The following NMBR variants were observed in gnomAD, a reference collection of about 807,000 sequenced individuals.
The protein encoded by NMBR is neuromedin-B receptor.
In NMBR, 16 loss-of-function variants were observed where a neutral mutation model predicts 20.5. That is an observed-to-expected ratio of 0.78 (90% CI 0.53 to 1.19). The LOEUF (loss-of-function observed/expected upper bound fraction) is 1.19. Among genes scored for constraint, NMBR ranks in the 50% most tolerant of loss-of-function variants. The probability of loss-of-function intolerance (pLI) is 0.00; values close to 1 mark genes in which losing one functional copy is unlikely to be tolerated. For synonymous variants in NMBR, 212 were observed against 196.6 expected, an observed-to-expected ratio of 1.08 and a Z score of -0.65; for missense variants, 582 against 499.1, an observed-to-expected ratio of 1.17 and a Z score of -1.58.
At chr6:142,090,629 CAAGAGA>C (rs1294341942) in intron 1 of NMBR, among the ~76,000 whole-genome samples, 1 of 149,988 alleles carries the variant, frequency 6.7e-6, no homozygotes, top group Non-Finnish European at 1.5e-5. Flanking sequence ...GGAGAGGGAG[CAAGAGA>C]AAGAGGAAAA....
At chr6:142,137,085 G>C (rs1778273371) in intron 1 of NMBR, among the ~76,000 whole-genome samples, 1 of 152,106 alleles carries the variant, frequency 6.6e-6, no homozygotes, top group Non-Finnish European at 1.5e-5. Flanking sequence ...ATTACCTTGG[G>C]CAGTATGGCC....
At chr6:142,084,467 A>G (rs1370162204) in intron 2 of NMBR, among the ~76,000 whole-genome samples, 2 of 152,250 alleles carry the variant, frequency 1.3e-5, no homozygotes, top group Non-Finnish European at 2.9e-5. Flanking sequence ...CACCCAATAC[A>G]TTAAACTAAT....
intron 2 of NMBR, among the ~76,000 whole-genome samples, 159 bp from the exon 3 acceptor site, chr6:142,079,062 GAGAGAGAA>G (rs1478900450): frequency 2.2e-5 from 3 of 133,390 alleles, no homozygotes; most frequent in Non-Finnish European, 4.8e-5. Context: ...GAGAGAAAGA[GAGAGAGAA>G]AGAGAGAAAG....
At chr6:142,086,021 CTTT>C (rs201667912) in intron 2 of NMBR, among the ~76,000 whole-genome samples, 6 of 114,956 alleles carry the variant, frequency 5.2e-5, no homozygotes, top group South Asian at 2.8e-4. Flanking sequence ...CTCCTGTACT[CTTT>C]TTTTTTTTTT....
chr6:142,123,913 A>T (rs1200026603), intron 1 of NMBR, among the ~76,000 whole-genome samples: 2 of 152,062 alleles, frequency 1.3e-5, no homozygotes, highest in Admixed American at 1.3e-4. Context: ...TAAAAGCCAT[A>T]AATAGGATTA....
rs142626832 is a variant in NMBR at position 142,075,893 on chromosome 6, G to C, written c.928C>G (p.Arg310Gly). 1 of 1,614,010 alleles carries C rather than the reference G, an allele frequency of 6.2e-7. No homozygotes were observed. Among genetic ancestry groups the C allele is most frequent in the Admixed American group, 1.7e-5 (1 of 59,978 alleles). ...LGHMIVTLVARVLSFGNSCVN... is the reference protein window; with the variant it reads ...LGHMIVTLVAGVLSFGNSCVN... ...CAAGAATTGCCAAAACTGAGAACCC[G>C]GGCAACTAAGGTGACAATCATGTGG... is the stretch of plus-strand genomic sequence containing the variant. Residue 310 changes from arginine to glycine, a missense_variant, in exon 4 of 4, where the codon CGG becomes GGG. Coordinates refer to ENST00000258042, the MANE Select transcript of NMBR (RefSeq NM_002511.4).
In NMBR at chr6:142,075,779, CTT is replaced by C. The variant is rs1334307322; in HGVS notation, c.1040_1041del (p.Gln347ArgfsTer23). On this transcript the variant is annotated frameshift_variant, in exon 4 of 4. Transcript: ENST00000258042. LOFTEE classifies it high-confidence loss of function. The stretch of plus-strand genomic sequence containing the variant: ...CTGAGTAGGTAGCTGGTTCCTCTCT[CTT>C]GATAGGACTTCCTCCCACAGCAGAG... ...SQLCCGRKSY[Q>X]ERGTSYLLSS... 2.5e-6 allele frequency: 4 copies of C among 1,614,078 alleles called. No homozygotes were observed. The highest frequency in any genetic ancestry group is 2.2e-5 in the East Asian group (1 of 44,888).
At chr6:142,104,677 A>G (rs1024729077) in intron 1 of NMBR, among the ~76,000 whole-genome samples, 1 of 152,230 alleles carries the variant, frequency 6.6e-6, no homozygotes, top group Admixed American at 6.5e-5. Context: ...AAATAAGGAA[A>G]AGACTTAAGA....
chr6:142,111,495 A>C (rs1777762888), intron 1 of NMBR, among the ~76,000 whole-genome samples: 1 of 152,218 alleles, frequency 6.6e-6, no homozygotes, highest in Non-Finnish European at 1.5e-5. Flanking sequence ...TATTAATATT[A>C]CTTGTAAAAA....
intron 1 of NMBR, among the ~76,000 whole-genome samples, chr6:142,140,614 T>C (rs1462858487): frequency 6.6e-6 from 1 of 152,156 alleles, no homozygotes; most frequent in Non-Finnish European, 1.5e-5. Context: ...ACATAGAGAT[T>C]GTCTAAATGT....
intron 1 of NMBR, among the ~76,000 whole-genome samples, chr6:142,136,371 A>G (rs1481851090): frequency 6.6e-6 from 1 of 151,842 alleles, no homozygotes; most frequent in Admixed American, 6.6e-5. Flanking sequence ...AATTTGTTTG[A>G]GTCATTGTAG....
chr6:142,101,481 A>G (rs1562239330), intron 1 of NMBR, among the ~76,000 whole-genome samples: 1 of 152,252 alleles, frequency 6.6e-6, no homozygotes, highest in East Asian at 1.9e-4. Context: ...GGGTTTTTTA[A>G]GGTTAGAACA....
intron 3 of NMBR, 147 bp from the exon 4 acceptor site, chr6:142,076,196 T>C (rs1776945383): frequency 1.6e-6 from 1 of 616,380 alleles, no homozygotes; most frequent in Non-Finnish European, 2.7e-6. Context: ...ACCAAAGTGA[T>C]GATGGATTTT....
chr6:142,134,131 G>A (rs1330433292), intron 1 of NMBR: 1 of 502,918 alleles, frequency 2.0e-6, no homozygotes, highest in African/African-American at 1.9e-5. Flanking sequence ...ACCCTAACAG[G>A]TTTTTTGTTC....
At chr6:142,143,051 C>T (rs948994042) in intron 1 of NMBR, among the ~76,000 whole-genome samples, 3 of 152,012 alleles carry the variant, frequency 2.0e-5, no homozygotes, top group African/African-American at 7.2e-5. Flanking sequence ...CACCACTGCC[C>T]TCTAGCCTGG....
chr6:142,140,640 G>C (rs371256836), intron 1 of NMBR, among the ~76,000 whole-genome samples: 3 of 152,100 alleles, frequency 2.0e-5, no homozygotes, highest in East Asian at 3.9e-4. Flanking sequence ...TTAAAAGCCA[G>C]ACCAAATTAT....
intron 1 of NMBR, among the ~76,000 whole-genome samples, chr6:142,129,885 A>G (rs1296588361): frequency 6.6e-6 from 1 of 152,140 alleles, no homozygotes; most frequent in Non-Finnish European, 1.5e-5. Context: ...ACTGGGATTC[A>G]AGGACGTGAA....
At chr6:142,138,385 T>C (rs1295730796) in intron 1 of NMBR, among the ~76,000 whole-genome samples, 1 of 152,148 alleles carries the variant, frequency 6.6e-6, no homozygotes, top group African/African-American at 2.4e-5. Context: ...CACAAATAGC[T>C]ACTGATGTCT....
chr6:142,133,890 TC>T (rs1156878369), intron 1 of NMBR: 1 of 702,062 alleles, frequency 1.4e-6, no homozygotes, highest in African/African-American at 1.7e-5. Flanking sequence ...CACACCCTTT[TC>T]TTTGGATCGA....
Sources: allele counts gnomAD v4.1 joint callset (sites outside exome capture counted in the v4.1 genomes callset), GRCh38; gene constraint gnomAD v4.1.1; transcripts MANE v1.5; gene names NCBI Gene and HGNC (gene_info 2026-07-23, HGNC 2026-07-21).